The following DDX27 variants were observed in gnomAD, a reference collection of about 807,000 sequenced individuals.
DDX27 encodes DEAD-box helicase 27.
In DDX27, 42 loss-of-function variants were observed where a neutral mutation model predicts 99.3. The ratio of observed to expected loss-of-function variants is 0.42; its 90% CI spans 0.33 to 0.55. The LOEUF is 0.55. Among genes scored for constraint, DDX27 ranks in the 20% least tolerant of loss-of-function variants. The pLI is 0.07. For missense variants in DDX27, 798 were observed against 976.8 expected (o/e 0.82, Z 2.44); for synonymous variants, 329 against 353.8 (o/e 0.93, Z 0.79).
Position 49,226,428 on chromosome 20 carries a change from A to C in DDX27, c.601-2A>C. ...TGTCTGACCCAGTTCTTTTTTCCTC[A>C]GGCCATTACAGCCATGGGCTTCAAG... On this transcript the variant is annotated splice_acceptor_variant, in intron 6 of 20. Coordinates refer to ENST00000618172, the MANE Select transcript of DDX27 (RefSeq NM_017895.8). LOFTEE classifies it high-confidence loss of function. 4.3e-6 allele frequency: 7 copies of C among 1,611,870 alleles called. No individual in the cohort carries two copies. The highest frequency in any genetic ancestry group is 5.9e-6 in the Non-Finnish European group (7 of 1,178,894).
At chr20:49,238,805 T>C in intron 14 of DDX27, 144 bp from the exon 15 acceptor site, 1 of 412,852 alleles carries the variant, frequency 2.4e-6, no homozygotes. Context: ...AGACAGAGTC[T>C]GGCCACGTTG....
At chr20:49,223,491 T>C in intron 4 of DDX27, 58 bp downstream of exon 4, 1 of 1,511,900 alleles carries the variant, frequency 6.6e-7, no homozygotes, top group South Asian at 1.3e-5. Context: ...GGCATCCTCC[T>C]TTACTTTGTA....
At chr20:49,240,850 A>T (rs933598223) in intron 16 of DDX27, among the ~76,000 whole-genome samples, 3 of 152,058 alleles carry the variant, frequency 2.0e-5, no homozygotes, top group African/African-American at 7.2e-5. Flanking sequence ...CCCCATCTCT[A>T]CTAAAAATCA....
chr20:49,225,267 C>T (rs1164905964), intron 6 of DDX27, 68 bp downstream of exon 6: 1 of 1,302,086 alleles, frequency 7.7e-7, no homozygotes, highest in Non-Finnish European at 1.1e-6. Flanking sequence ...AAGATGGTCT[C>T]AAATTCCTGG....
chr20:49,225,746 C>T (rs1402005962), intron 6 of DDX27, among the ~76,000 whole-genome samples: 5 of 152,200 alleles, frequency 3.3e-5, no homozygotes, highest in South Asian at 2.1e-4. Context: ...TGAGCCACCG[C>T]GCCCGGCCGA....
chr20:49,233,871 AC>A, intron 11 of DDX27, 162 bp downstream of exon 11: 1 of 738,458 alleles, frequency 1.4e-6, no homozygotes, highest in Non-Finnish European at 2.2e-6. Context: ...TCTCTTCTCC[AC>A]GGGTCCTTCC....
rs1194085417 is a variant in DDX27 at position 49,228,753 on chromosome 20, C to G, written c.745C>G (p.Leu249Val). Residue 249 changes from leucine (L) to valine (V), a missense_variant, in exon 8 of 21, where the codon CTG becomes GTG. Around this residue, in one of 2 missense-constraint regions of DDX27, gnomAD observed 553 missense variants for 727.9 expected, o/e 0.76. Coordinates refer to ENST00000618172, the MANE Select transcript of DDX27 (RefSeq NM_017895.8). ...AAFALPVLER[L>V]IYKPRQAPVT... The stretch of plus-strand genomic sequence containing the variant: ...CTTTGCCCTGCCTGTTTTGGAGCGT[C>G]TGATTTATAAACCCCGCCAGGCTCC... The G allele has an allele frequency of 3.1e-6, 5 of 1,612,256 alleles. No individual in the cohort carries two copies. In the African/African-American group the frequency reaches 6.7e-5, roughly 22 times the overall value.
intron 16 of DDX27, 109 bp from the exon 17 acceptor site, chr20:49,241,784 C>G (rs1220805851): frequency 1.6e-6 from 2 of 1,266,892 alleles, no homozygotes; most frequent in Admixed American, 4.0e-5. Context: ...GTGCTTGCCG[C>G]TTTTCATTTT....
intron 11 of DDX27, chr20:49,234,469 TG>T (rs141283418): frequency 0.051 from 7,857 of 152,808 alleles, 660 homozygotes; most frequent in African/African-American, 0.18. Flanking sequence ...TCACCGTGTT[TG>T]CCAGGCTGGT....
chr20:49,240,334 A>C (rs1980437678), intron 16 of DDX27, among the ~76,000 whole-genome samples: 1 of 152,258 alleles, frequency 6.6e-6, no homozygotes, highest in African/African-American at 2.4e-5. Context: ...AAAAAGACCC[A>C]AAACACTTAT....
chr20:49,240,951 G>C (rs1364896443), intron 16 of DDX27, among the ~76,000 whole-genome samples: 1 of 152,100 alleles, frequency 6.6e-6, no homozygotes, highest in Non-Finnish European at 1.5e-5. Context: ...GGAGGTCAAG[G>C]TTGCAGTGAG....
chr20:49,224,030 C>A (rs1979786263), intron 4 of DDX27, among the ~76,000 whole-genome samples: 2 of 152,044 alleles, frequency 1.3e-5, no homozygotes, highest in African/African-American at 4.8e-5. Flanking sequence ...AGGTGCATGC[C>A]CCTGCGCCTG....
chr20:49,223,560 A>G, intron 4 of DDX27, 127 bp downstream of exon 4: 2 of 783,344 alleles, frequency 2.6e-6, no homozygotes, highest in African/African-American at 1.9e-5. Context: ...ACTACATTGA[A>G]CTCCTTTCTT....
chr20:49,235,036 G>T lies in DDX27; in HGVS notation c.1375G>T (p.Val459Leu). The T allele has an allele frequency of 6.2e-7, 1 of 1,613,488 alleles. No individual in the cohort carries two copies. The highest frequency in any genetic ancestry group is 1.3e-5 in the African/African-American group (1 of 75,040). ...HILLGLMGLQ[V>L]GELHGNLSQT... The stretch of plus-strand genomic sequence containing the variant: ...CCTCCTGGGGCTCATGGGGCTGCAG[G>T]TGGGTGAGCTCCATGGCAACTTGTC... Residue 459 changes from valine (V) to leucine (L), a missense_variant, in exon 12 of 21, where the codon GTG becomes TTG. Val to Leu is a conservative substitution (Grantham distance 32). Coordinates refer to ENST00000618172, the MANE Select transcript of DDX27 (RefSeq NM_017895.8).
At chr20:49,243,015 C>T (rs768241340) in intron 19 of DDX27, among the ~76,000 whole-genome samples, 21 of 152,142 alleles carry the variant, frequency 1.4e-4, no homozygotes, top group Admixed American at 3.9e-4. Flanking sequence ...CCACCGTGCC[C>T]GGCGAGCCCT....
Position 49,233,688 on chromosome 20 carries a change from G to T in DDX27, c.1252G>T (p.Asp418Tyr), listed in dbSNP as rs1241068521. Residue 418 changes from aspartate (D) to tyrosine (Y), a missense_variant, in exon 11 of 21, where the codon GAC becomes TAC. Physicochemically the swap from Asp to Tyr is radical, Grantham distance 160. Coordinates refer to ENST00000618172, the MANE Select transcript of DDX27 (RefSeq NM_017895.8). ...CCGGATCCGGCCTAATCGTGAAGGAGACCGGGAAGCCATCGTGGCAGGTGG... is the reference window on the plus strand; with the variant it reads ...CCGGATCCGGCCTAATCGTGAAGGATACCGGGAAGCCATCGTGGCAGGTGG... Reference protein sequence around the residue: ...FIRIRPNREGDREAIVAALLT... With the variant: ...FIRIRPNREGYREAIVAALLT... 1 of 1,613,776 alleles carries T rather than the reference G, an allele frequency of 6.2e-7. No homozygotes were observed. Among genetic ancestry groups the T allele is most frequent in the Non-Finnish European group, 8.5e-7 (1 of 1,179,886 alleles).
chr20:49,225,015 T>C, intron 5 of DDX27, 24 bp downstream of exon 5: 2 of 1,613,952 alleles, frequency 1.2e-6, no homozygotes, highest in Non-Finnish European at 1.7e-6. Flanking sequence ...TGCAAGACAG[T>C]ATGCAGCTTG....
At chr20:49,229,030 CTTTTTTTT>C in intron 8 of DDX27, 142 bp downstream of exon 8, 35 of 286,468 alleles carry the variant, frequency 1.2e-4, no homozygotes, top group South Asian at 3.1e-4. Flanking sequence ...AACTGGAAGA[CTTTTTTTT>C]TTTTTTTTTT....
Position 49,242,611 on chromosome 20 carries a change from G to A in DDX27, c.2134G>A (p.Gly712Arg), listed in dbSNP as rs769385939. 2.5e-5 allele frequency: 41 copies of A among 1,614,190 alleles called. No homozygotes were observed. The East Asian group carries it at 7.8e-4, about 31-fold the overall frequency. Residue 712 changes from glycine to arginine, a missense_variant, in exon 19 of 21, where the codon GGG becomes AGG. Physicochemically the swap from Gly to Arg is moderately radical, Grantham distance 125 (BLOSUM62 -2). Around this residue, in one of 2 missense-constraint regions of DDX27, gnomAD observed 553 missense variants for 727.9 expected, o/e 0.76. Transcript: ENST00000618172. The stretch of plus-strand genomic sequence containing the variant: ...GTGCACAGCCAAGAAGCAAAAGCAG[G>A]GGAAGAAATCTGTATTTGATGAAGA... ...VRGPAKKQKQGKKSVFDEELT... is the reference protein window; with the variant it reads ...VRGPAKKQKQRKKSVFDEELT...
Sources: allele counts gnomAD v4.1 joint callset (sites outside exome capture counted in the v4.1 genomes callset), GRCh38; gene constraint gnomAD v4.1.1; regional missense constraint gnomAD v4.1.1; transcripts MANE v1.5; gene names NCBI Gene and HGNC (gene_info 2026-07-23, HGNC 2026-07-21).